RALGPS1: variants seen among roughly 807,000 people sequenced by gnomAD.
RALGPS1 encodes Ral GEF with PH domain and SH3 binding motif 1.
RALGPS1 carries 19 observed loss-of-function variants against 78.8 expected under a neutral mutation model. The ratio of observed to expected loss-of-function variants is 0.24; its 90% confidence interval spans 0.17 to 0.35. RALGPS1 has a LOEUF of 0.35. Among genes scored for constraint, RALGPS1 ranks in the 10% least tolerant of loss-of-function variants. RALGPS1 has a pLI of 1.00. For missense variants in RALGPS1, 454 were observed against 688.3 expected, an observed-to-expected ratio of 0.66 and a Z score of 3.81; for synonymous variants, 228 against 256.3, an observed-to-expected ratio of 0.89 and a Z score of 1.06.
intron 8 of RALGPS1, among the ~76,000 whole-genome samples, chr9:127,140,820 T>C (rs1167445313): frequency 1.3e-5 from 2 of 152,042 alleles, no homozygotes; most frequent in East Asian, 3.8e-4. Flanking sequence ...TGGAAGAGAC[T>C]TGGGCGAGGG....
intron 4 of RALGPS1, among the ~76,000 whole-genome samples, chr9:127,025,850 C>T (rs1439747325): frequency 6.6e-6 from 1 of 151,976 alleles, no homozygotes; most frequent in Non-Finnish European, 1.5e-5. Flanking sequence ...CACACCATGC[C>T]TGGCTAAGTG....
intron 11 of RALGPS1, among the ~76,000 whole-genome samples, chr9:127,185,797 G>A (rs1025021395): frequency 6.6e-6 from 1 of 152,174 alleles, no homozygotes; most frequent in Non-Finnish European, 1.5e-5. Context: ...CTAATCCAGT[G>A]TAGTATCTCC....
intron 1 of RALGPS1, among the ~76,000 whole-genome samples, chr9:126,948,241 C>T (rs111838218): frequency 0.018 from 2,810 of 152,288 alleles, 96 homozygotes; most frequent in African/African-American, 0.064. Context: ...TGAGGCTGGG[C>T]GCAGTGGCTC....
At chr9:126,971,990 T>C (rs1463628591) in intron 3 of RALGPS1, among the ~76,000 whole-genome samples, 1 of 152,238 alleles carries the variant, frequency 6.6e-6, no homozygotes, top group Non-Finnish European at 1.5e-5. Flanking sequence ...ATTGGAAATA[T>C]TAGTATGAAT....
At chr9:127,146,289 G>A (rs1056849219) in intron 8 of RALGPS1, among the ~76,000 whole-genome samples, 6 of 152,084 alleles carry the variant, frequency 3.9e-5, no homozygotes, top group South Asian at 2.1e-4. Flanking sequence ...TGTACCCTGC[G>A]TTTAGCTCCT....
chr9:126,998,257 T>C (rs1163054262), intron 4 of RALGPS1, among the ~76,000 whole-genome samples: 3 of 152,176 alleles, frequency 2.0e-5, no homozygotes. Flanking sequence ...GAGAAAACTT[T>C]TGCAACCTAC....
At position 127,169,239 on chromosome 9, in the gene RALGPS1, A is replaced by G. The variant is rs114739777; in HGVS notation, c.842+467A>G. Among the ~76,000 whole-genome samples the G allele has an allele frequency of 2.9e-3, 442 of 152,288 alleles. 2 individuals are homozygous for G. Among genetic ancestry groups the G allele is most frequent in the African/African-American group, 0.01 (416 of 41,566 alleles). On this transcript the variant is annotated intron_variant, in intron 10 of 18. Coordinates refer to ENST00000259351, the MANE Select transcript of RALGPS1 (RefSeq NM_014636.3). ...ACAGAGTTCTCCAAGAGCCTGTTTCATGGATGAGACAGTTCCTTATAACTC... is the reference window on the plus strand; with the variant it reads ...ACAGAGTTCTCCAAGAGCCTGTTTCGTGGATGAGACAGTTCCTTATAACTC...
intron 8 of RALGPS1, among the ~76,000 whole-genome samples, chr9:127,090,712 G>A (rs2052362418): frequency 6.6e-6 from 1 of 152,204 alleles, no homozygotes; most frequent in Admixed American, 6.5e-5. Context: ...GGAAATGGAG[G>A]CAGGAGGGGA....
At chr9:127,107,306 C>G (rs1445849469) in intron 8 of RALGPS1, among the ~76,000 whole-genome samples, 1 of 152,170 alleles carries the variant, frequency 6.6e-6, no homozygotes, top group Non-Finnish European at 1.5e-5. Flanking sequence ...CCATTCCTCC[C>G]CCATAACGGT....
At chr9:127,077,170 A>G (rs1313820049) in intron 8 of RALGPS1, among the ~76,000 whole-genome samples, 3 of 152,128 alleles carry the variant, frequency 2.0e-5, no homozygotes, top group African/African-American at 7.2e-5. Context: ...TTTGCATTGA[A>G]CACACCTCAC....
At chr9:127,030,824 A>T (rs1044604963) in intron 4 of RALGPS1, among the ~76,000 whole-genome samples, 10 of 152,116 alleles carry the variant, frequency 6.6e-5, no homozygotes, top group African/African-American at 1.9e-4. Flanking sequence ...CTTTCATTAA[A>T]GCCAGAAGGA....
At chr9:127,184,200 C>A (rs1002075601) in intron 11 of RALGPS1, 8 of 714,966 alleles carry the variant, frequency 1.1e-5, no homozygotes, top group Non-Finnish European at 1.6e-5. Flanking sequence ...TGGTGCGTGC[C>A]TACAGCCCCA....
chr9:127,110,162 G>C (rs544441424), intron 8 of RALGPS1, among the ~76,000 whole-genome samples: 1 of 152,210 alleles, frequency 6.6e-6, no homozygotes, highest in Admixed American at 6.5e-5. Flanking sequence ...TCTCTTCCTG[G>C]TCTCTCTTGA....
At chr9:127,159,739 C>A (rs901446592) in intron 8 of RALGPS1, among the ~76,000 whole-genome samples, 20 of 152,168 alleles carry the variant, frequency 1.3e-4, no homozygotes, top group Non-Finnish European at 7.3e-5. Flanking sequence ...TTAAAGAGAG[C>A]ACACACATCC....
At chr9:126,933,721 G>A (rs541361386) in intron 1 of RALGPS1, among the ~76,000 whole-genome samples, 4 of 151,920 alleles carry the variant, frequency 2.6e-5, no homozygotes, top group Non-Finnish European at 4.4e-5. Context: ...AGTAAGGTGT[G>A]GGGTATGGTG....
At chr9:127,103,229 G>A (rs2053906188) in intron 8 of RALGPS1, among the ~76,000 whole-genome samples, 1 of 152,254 alleles carries the variant, frequency 6.6e-6, no homozygotes, top group Non-Finnish European at 1.5e-5. Context: ...ACCTTATAGG[G>A]TGGAATAAAA....
chr9:127,188,056 CTT>C (rs35971647), intron 11 of RALGPS1, among the ~76,000 whole-genome samples: 2,084 of 81,676 alleles, frequency 0.026, 56 homozygotes, highest in African/African-American at 0.094. Context: ...GAATTAGAGC[CTT>C]TTTTTTTTTT....
intron 4 of RALGPS1, among the ~76,000 whole-genome samples, chr9:127,001,193 G>A (rs1454578363): frequency 6.6e-6 from 1 of 151,800 alleles, no homozygotes; most frequent in Non-Finnish European, 1.5e-5. Context: ...AGGCTGAGGT[G>A]GGGGGATCAC....
chr9:126,939,110 A>G (rs930483155), intron 1 of RALGPS1, among the ~76,000 whole-genome samples: 1 of 152,204 alleles, frequency 6.6e-6, no homozygotes. Flanking sequence ...GCACTTCAGC[A>G]CAGAACATGT....
Sources: gnomAD v4.1 joint callset for allele counts (sites outside exome capture counted in the v4.1 genomes callset) on GRCh38, gnomAD v4.1.1 for gene constraint, MANE v1.5 for transcripts, NCBI Gene and HGNC (gene_info 2026-07-23, HGNC 2026-07-21) for gene names.